APEH: variants seen among roughly 807,000 people sequenced by gnomAD.
APEH encodes acylaminoacyl-peptide hydrolase.
APEH carries 75 observed loss-of-function variants against 102.7 expected under a neutral mutation model. The observed-to-expected ratio is 0.73, with a 90% CI of 0.61 to 0.89. The LOEUF (loss-of-function observed/expected upper bound fraction) is 0.89. Among genes scored for constraint, APEH ranks in the 40% least tolerant of loss-of-function variants. The pLI is 0.00. For synonymous variants in APEH, 344 were observed against 362.7 expected (o/e 0.95, Z 0.59); for missense variants, 863 against 941.2 (o/e 0.92, Z 1.09).
At chr3:49,677,761 C>T in intron 11 of APEH, 128 bp downstream of exon 11, 1 of 912,508 alleles carries the variant, frequency 1.1e-6, no homozygotes, top group Non-Finnish European at 1.8e-6. Flanking sequence ...GCTGGGCCAG[C>T]CTTATGCCCA....
chr3:49,676,638 G>A lies in APEH; in HGVS notation c.774G>A (p.Val258=), dbSNP rs550494932. The part of the protein sequence containing the change: ...QAFWAPGDAG[V]VFVGWWHEPF... ...TTTGGGCCCCTGGAGATGCTGGTGTGGTGTTTGTGGGCTGGTGGCATGAGC... is the reference window on the plus strand; with the variant it reads ...TTTGGGCCCCTGGAGATGCTGGTGTAGTGTTTGTGGGCTGGTGGCATGAGC... Residue 258 remains valine (V), a synonymous_variant, in exon 8 of 22, where the codon GTG becomes GTA. Coordinates refer to ENST00000296456, the MANE Select transcript of APEH (RefSeq NM_001640.4). The A allele has an allele frequency of 8.7e-6, 14 of 1,614,266 alleles. No individual in the cohort carries two copies. The East Asian group carries it at 1.3e-4, about 15-fold the overall frequency.
chr3:49,676,317 C>A (rs769246975), intron 6 of APEH, 61 bp from the exon 7 acceptor site: 1 of 1,612,508 alleles, frequency 6.2e-7, no homozygotes, highest in Non-Finnish European at 8.5e-7. Flanking sequence ...GAGGCACTAG[C>A]TTTTAGGAAG....
At chr3:49,677,087 C>A in intron 10 of APEH, 63 bp downstream of exon 10, 1 of 1,606,202 alleles carries the variant, frequency 6.2e-7, no homozygotes, top group South Asian at 1.1e-5. Flanking sequence ...TGGATGAGAG[C>A]TGAAGGGCCA....
At chr3:49,674,283 T>C, upstream of APEH, 1 of 1,337,614 alleles carries the variant, frequency 7.5e-7, no homozygotes, top group Non-Finnish European at 1.0e-6. Flanking sequence ...GCCCCGCCCC[T>C]CACAGATTGC....
chr3:49,681,628 C>A, intron 15 of APEH, 94 bp from the exon 16 acceptor site: 1 of 1,224,772 alleles, frequency 8.2e-7, no homozygotes, highest in Non-Finnish European at 1.1e-6. Context: ...AGGTCTCTGA[C>A]CCAGAGGTCA....
At chr3:49,673,950 C>A, upstream of APEH, 1 of 203,624 alleles carries the variant, frequency 4.9e-6, no homozygotes, top group Non-Finnish European at 1.0e-5. Flanking sequence ...CCGCCCTTCG[C>A]GTGCTTGGGC....
In APEH at chr3:49,677,041, A is replaced by G. The variant is rs1163593733; in HGVS notation, c.999+17A>G. The G allele has an allele frequency of 6.2e-7, 1 of 1,613,742 alleles. No individual in the cohort carries two copies. The highest frequency in any genetic ancestry group is 8.5e-7 in the Non-Finnish European group (1 of 1,179,980). On this transcript the variant is annotated intron_variant, in intron 10 of 21. Coordinates refer to ENST00000296456, the MANE Select transcript of APEH (RefSeq NM_001640.4). ...CTGTGCCTGGTGAGCTGGAGGTGGCAGGGATGGGAGGGTGGTCAGCAAGAA... is the reference window on the plus strand; with the variant it reads ...CTGTGCCTGGTGAGCTGGAGGTGGCGGGGATGGGAGGGTGGTCAGCAAGAA...
At chr3:49,681,311 C>G (rs1472985437) in intron 15 of APEH, 72 bp downstream of exon 15, 2 of 1,423,232 alleles carry the variant, frequency 1.4e-6, no homozygotes, top group Non-Finnish European at 1.8e-6. Flanking sequence ...GTGACCTTTG[C>G]TACCTCCTCT....
chr3:49,674,513 G>A lies in APEH; in HGVS notation c.37G>A (p.Ala13Thr). The A allele has an allele frequency of 6.4e-7, 1 of 1,566,968 alleles. No homozygotes were observed. Among genetic ancestry groups the A allele is most frequent in the Non-Finnish European group, 8.6e-7 (1 of 1,163,542 alleles). The change falls in exon 2 of 22, where the codon GCG becomes ACG. Residue 13 changes from alanine to threonine, a missense_variant. Transcript: ENST00000296456. ...GGTGCTGCTGAGCGAGCCCGAGGAG[G>A]CGGCGGCTCTGTATCGGGGCCTTAG... ...RQVLLSEPEE[A>T]AALYRGLSRQ...
upstream of APEH, among the ~76,000 whole-genome samples, chr3:49,673,454 G>C (rs916241329): frequency 2.0e-5 from 3 of 152,122 alleles, no homozygotes; most frequent in Non-Finnish European, 4.4e-5. Flanking sequence ...TGGGGAGGAA[G>C]GCAGGGACCC....
chr3:49,678,218 G>C (rs1337766890), intron 11 of APEH, among the ~76,000 whole-genome samples: 1 of 152,156 alleles, frequency 6.6e-6, no homozygotes, highest in Non-Finnish European at 1.5e-5. Context: ...AGGCCACCCG[G>C]TCAGTTCCAG....
At position 49,682,659 on chromosome 3, in the gene APEH, G is replaced by T; in HGVS notation, c.1806G>T (p.Glu602Asp). 1.2e-6 allele frequency: 2 copies of T among 1,614,070 alleles called. No individual in the cohort carries two copies. Among genetic ancestry groups the T allele is most frequent in the South Asian group, 2.2e-5 (2 of 91,086 alleles). ...GCCACTTGATTGGTCAGTACCCAGA[G>T]ACCTACAGGGCCTGCGTGGCCCGGA... ...ISCHLIGQYP[E>D]TYRACVARNP... The change falls in exon 19 of 22, where the codon GAG (glutamate) becomes GAT (aspartate). Residue 602 changes from glutamate to aspartate, a missense_variant. Glu to Asp is a conservative substitution (Grantham distance 45). Coordinates refer to ENST00000296456, the MANE Select transcript of APEH (RefSeq NM_001640.4).
chr3:49,683,010 A>C (rs908758429), intron 20 of APEH, 30 bp from the exon 21 acceptor site: 1 of 1,612,064 alleles, frequency 6.2e-7, no homozygotes, highest in Non-Finnish European at 8.5e-7. Flanking sequence ...CCAGCTCAAC[A>C]CAGCTCCCCA....
rs2053032203 is a variant in APEH, at chr3:49,676,046, C to G, written c.443-10C>G. On this transcript the variant is annotated splice_polypyrimidine_tract_variant and intron_variant, in intron 5 of 21. Coordinates refer to ENST00000296456, the MANE Select transcript of APEH (RefSeq NM_001640.4). ...CTGGGCCCCCCCTGATTGGCCCTCC[C>G]TGCACCCAGACTGCTTTGGCTGCCT... 6.2e-7 allele frequency: 1 copy of G among 1,614,080 alleles called. No individual in the cohort carries two copies. Among genetic ancestry groups the G allele is most frequent in the South Asian group, 1.1e-5 (1 of 91,082 alleles).
chr3:49,674,624 G>GTGTGTGCGA lies in APEH; in HGVS notation c.145+4_145+12dup. ...CCAATACCGGACGGTGCACACTGGT[G>GTGTGTGCGA]TGTGTGCGAAGGGGAACTGGCTGGC... On this transcript the variant is annotated splice_donor_region_variant and intron_variant, in intron 2 of 21. Coordinates refer to ENST00000296456, the MANE Select transcript of APEH (RefSeq NM_001640.4). 1.3e-6 allele frequency: 2 copies of GTGTGTGCGA among 1,586,954 alleles called. No homozygotes were observed. The highest frequency in any genetic ancestry group is 1.7e-6 in the Non-Finnish European group (2 of 1,175,936).
Position 49,683,713 on chromosome 3 carries a change from C to T in APEH, c.*371C>T, listed in dbSNP as rs2053461532. ...CTAGCTTCCCTGCTGCAGCCCCTTC[C>T]ATTAGCAACTACTCTGTACCACCCT... is the stretch of plus-strand genomic sequence containing the variant. On this transcript the variant is annotated 3_prime_UTR_variant, in exon 22 of 22. Transcript: ENST00000296456. 4.2e-6 allele frequency: 2 copies of T among 472,882 alleles called. No individual in the cohort carries two copies. Among genetic ancestry groups the T allele is most frequent in the Admixed American group, 3.7e-5 (1 of 27,290 alleles). 29.3% of individuals were successfully genotyped at this position (472,882 alleles called of 1,614,324 possible).
chr3:49,677,131 C>G, intron 10 of APEH, 107 bp downstream of exon 10: 2 of 1,494,744 alleles, frequency 1.3e-6, no homozygotes, highest in Non-Finnish European at 1.8e-6. Context: ...AGTAGGTGCC[C>G]TTCTGTCCTC....
rs145158814 is a variant in APEH at position 49,676,491 on chromosome 3, C to T, written c.720C>T (p.Val240=). The change falls in exon 7 of 22, where the codon GTC becomes GTT. Residue 240 remains valine (V), a synonymous_variant. Transcript: ENST00000296456. ...ESGNISVLEG[V]PENVSPGQAF... is the part of the protein sequence containing the mutation. The stretch of plus-strand genomic sequence containing the variant: ...GCAACATCTCTGTGCTTGAGGGGGT[C>T]CCTGAGAATGTGTCCCCTGGACAGG... The T allele has an allele frequency of 3.7e-5, 60 of 1,614,228 alleles. No homozygotes were observed. Among genetic ancestry groups the T allele is most frequent in the Non-Finnish European group, 4.9e-5 (58 of 1,180,034 alleles).
At chr3:49,680,106 T>C (rs574918513) in intron 13 of APEH, 42 of 246,028 alleles carry the variant, frequency 1.7e-4, no homozygotes, top group African/African-American at 8.3e-4. Context: ...AAATGTGTTT[T>C]GAGTCCTCCA....
Sources: allele counts gnomAD v4.1 joint callset (sites outside exome capture counted in the v4.1 genomes callset), GRCh38; gene constraint gnomAD v4.1.1; transcripts MANE v1.5; gene names NCBI Gene and HGNC (gene_info 2026-07-23, HGNC 2026-07-21).